CD44: variants seen among roughly 807,000 people sequenced by gnomAD.
The protein encoded by CD44 is CD44 molecule (IN blood group).
In CD44, 49 loss-of-function variants were observed where a neutral mutation model predicts 88.8. That is an observed-to-expected ratio of 0.55 (90% confidence interval 0.44 to 0.70). The LOEUF (loss-of-function observed/expected upper bound fraction) is 0.70, where lower values mean the gene tolerates loss of function less well. Among genes scored for constraint, CD44 ranks in the 30% least tolerant of loss-of-function variants. CD44 has a pLI of 0.00. For synonymous variants in CD44, 325 were observed against 312.3 expected, an observed-to-expected ratio of 1.04 and a Z score of -0.43; for missense variants, 883 against 913.8, an observed-to-expected ratio of 0.97 and a Z score of 0.43.
chr11:35,224,155 A>G (rs1949524950), intron 17 of CD44, among the ~76,000 whole-genome samples: 1 of 152,198 alleles, frequency 6.6e-6, no homozygotes, highest in Non-Finnish European at 1.5e-5. Flanking sequence ...TAGTCTCTGA[A>G]GTTGACATAC....
chr11:35,219,683 G>A (rs1340405824), intron 16 of CD44, among the ~76,000 whole-genome samples: 5 of 152,148 alleles, frequency 3.3e-5, no homozygotes, highest in African/African-American at 7.2e-5. Flanking sequence ...CTTCCTAAAT[G>A]AATGATCACC....
At position 35,196,840 on chromosome 11, in the gene CD44, A is replaced by C. The variant is rs997701329; in HGVS notation, c.762A>C (p.Ser254=). Residue 254 remains serine (S), a synonymous_variant, in exon 6 of 18, where the codon TCA becomes TCC. Transcript: ENST00000428726. Reference sequence around the variant, plus strand: ...CATGGTTGTTTCTACCATCAGAGTCAAAGAATCATCTTCACACAACAACAC... The same window carrying C: ...CATGGTTGTTTCTACCATCAGAGTCCAAGAATCATCTTCACACAACAACAC... ...WFSWLFLPSE[S]KNHLHTTTQM... The C allele has an allele frequency of 6.2e-7, 1 of 1,613,744 alleles. No homozygotes were observed. Among genetic ancestry groups the C allele is most frequent in the Non-Finnish European group, 8.5e-7 (1 of 1,179,740 alleles).
At chr11:35,212,076 A>G (rs1019086051) in intron 14 of CD44, among the ~76,000 whole-genome samples, 2 of 152,130 alleles carry the variant, frequency 1.3e-5, no homozygotes, top group African/African-American at 4.8e-5. Flanking sequence ...GAACGAAGAT[A>G]ATTTATTCAA....
At chr11:35,170,773 G>C (rs1281781716) in intron 1 of CD44, among the ~76,000 whole-genome samples, 1 of 152,204 alleles carries the variant, frequency 6.6e-6, no homozygotes, top group African/African-American at 2.4e-5. Flanking sequence ...TGTTTCTCAG[G>C]AGAGACACAC....
chr11:35,161,372 GTCTTTCTTGGATC>G (rs1300559738), intron 1 of CD44, among the ~76,000 whole-genome samples: 16 of 152,294 alleles, frequency 1.1e-4, no homozygotes, highest in Middle Eastern at 3.4e-3. Flanking sequence ...TTGGACCCAA[GTCTTTCTTGGATC>G]TTTCCGATCC....
At chr11:35,172,944 A>G (rs1170614061) in intron 1 of CD44, among the ~76,000 whole-genome samples, 1 of 151,986 alleles carries the variant, frequency 6.6e-6, no homozygotes, top group African/African-American at 2.4e-5. Flanking sequence ...CACTCACACA[A>G]TGGATGCATG....
intron 11 of CD44, among the ~76,000 whole-genome samples, chr11:35,206,544 C>T (rs542038012): frequency 6.6e-6 from 1 of 151,820 alleles, no homozygotes; most frequent in East Asian, 1.9e-4. Flanking sequence ...ACAATAAACG[C>T]TAAAGAAATT....
chr11:35,200,951 A>G (rs747382304), intron 7 of CD44, 131 bp from the exon 8 acceptor site: 12 of 715,438 alleles, frequency 1.7e-5, no homozygotes, highest in Non-Finnish European at 2.8e-5. Flanking sequence ...CTCCATTTCC[A>G]TGCAGCCATC....
chr11:35,169,237 A>C (rs536024466), intron 1 of CD44, among the ~76,000 whole-genome samples: 4 of 152,130 alleles, frequency 2.6e-5, no homozygotes, highest in Non-Finnish European at 5.9e-5. Context: ...TATAATTGTG[A>C]AGAAGGGAGA....
chr11:35,220,194 G>A (rs1018276861), intron 16 of CD44, among the ~76,000 whole-genome samples: 4 of 152,158 alleles, frequency 2.6e-5, no homozygotes, highest in African/African-American at 9.7e-5. Context: ...AGACAGACCA[G>A]ACAGAGACAG....
intron 4 of CD44, among the ~76,000 whole-genome samples, chr11:35,187,183 A>G (rs1344238693): frequency 6.6e-6 from 1 of 152,104 alleles, no homozygotes; most frequent in Non-Finnish European, 1.5e-5. Flanking sequence ...CTGAGGCAGG[A>G]GAATTGCTTG....
chr11:35,219,455 C>T lies in CD44; in HGVS notation c.1945+68C>T, dbSNP rs767302675. ...CTTTCTCAGAATGTCCCAGCAAGGA[C>T]GAAGAGACTCATTTGAAAGCACATT... On this transcript the variant is annotated intron_variant, in intron 16 of 17. Coordinates refer to ENST00000428726, the MANE Select transcript of CD44 (RefSeq NM_000610.4). 75 of 1,113,850 alleles carry T rather than the reference C, an allele frequency of 6.7e-5. 1 individual carries two copies. The highest frequency in any genetic ancestry group is 1.0e-4 in the South Asian group (8 of 78,006). The allele number at this position is 1,113,850 out of a possible 1,614,324, so 69.0% of individuals were successfully genotyped here.
intron 2 of CD44, chr11:35,177,086 G>C (rs1170388976): frequency 1.0e-5 from 2 of 194,458 alleles, no homozygotes; most frequent in Non-Finnish European, 2.1e-5. Context: ...AAATAACAGT[G>C]TTTGAAATAA....
intron 1 of CD44, among the ~76,000 whole-genome samples, chr11:35,170,307 A>G (rs558913948): frequency 6.6e-6 from 1 of 152,318 alleles, no homozygotes; most frequent in East Asian, 1.9e-4. Flanking sequence ...GTTTGGCACT[A>G]CAGACCAGCT....
At chr11:35,223,521 C>T (rs914300414) in intron 17 of CD44, among the ~76,000 whole-genome samples, 2 of 152,132 alleles carry the variant, frequency 1.3e-5, no homozygotes, top group Non-Finnish European at 2.9e-5. Context: ...TCTCCCCCAT[C>T]GTCTGTGTCT....
chr11:35,153,566 A>T (rs755731894), intron 1 of CD44, among the ~76,000 whole-genome samples: 49 of 152,204 alleles, frequency 3.2e-4, no homozygotes, highest in Non-Finnish European at 6.9e-4. Flanking sequence ...TACTAGTTGA[A>T]CACCAATATC....
intron 17 of CD44, among the ~76,000 whole-genome samples, chr11:35,223,705 T>C (rs962184611): frequency 6.6e-6 from 1 of 152,192 alleles, no homozygotes; most frequent in African/African-American, 2.4e-5. Flanking sequence ...GATTTGATAA[T>C]TGAAAACAGA....
chr11:35,222,609 ATATATATACACATACAT>A (rs2134379557), intron 17 of CD44: 1 of 621,038 alleles, frequency 1.6e-6, no homozygotes, highest in Non-Finnish European at 2.0e-6. Context: ...ATATATATAT[ATATATATACACATACAT>A]TATATATACA....
chr11:35,186,757 A>C, intron 3 of CD44, 75 bp from the exon 4 acceptor site: 1 of 842,984 alleles, frequency 1.2e-6, no homozygotes, highest in Admixed American at 1.7e-5. Flanking sequence ...CTCCATTCTA[A>C]CTGACTAATA....
Sources: gnomAD v4.1 joint callset for allele counts (sites outside exome capture counted in the v4.1 genomes callset) on GRCh38, gnomAD v4.1.1 for gene constraint, MANE v1.5 for transcripts, NCBI Gene and HGNC (gene_info 2026-07-23, HGNC 2026-07-21) for gene names.